REDIC1: variants seen among roughly 807,000 people sequenced by gnomAD.
REDIC1 encodes HEI10 Interacting Protein 1.
At chr12:39,896,326 GTGTATATA>G in the REDIC1 span, among the ~76,000 whole-genome samples, 1 of 140,288 alleles carries the variant, frequency 7.1e-6, no homozygotes, top group Non-Finnish European at 1.5e-5. Context: ...GTATGTATAT[GTGTATATA>G]TGTATACATA....
At chr12:39,718,298 G>T in the REDIC1 span, among the ~76,000 whole-genome samples, 1 of 152,048 alleles carries the variant, frequency 6.6e-6, no homozygotes, top group East Asian at 1.9e-4. Flanking sequence ...TTCAAAACAT[G>T]TAAACTATTT....
At chr12:39,650,896 C>T in the REDIC1 span, among the ~76,000 whole-genome samples, 1 of 152,146 alleles carries the variant, frequency 6.6e-6, no homozygotes, top group African/African-American at 2.4e-5. This position sits in a 1 kb window ranked among gnomAD's most constrained non-coding sequence, Gnocchi z 4.3. Flanking sequence ...ATTTTACAAT[C>T]TCCATGAATT....
At chr12:39,807,789 G>A in the REDIC1 span, among the ~76,000 whole-genome samples, 1 of 152,198 alleles carries the variant, frequency 6.6e-6, no homozygotes, top group African/African-American at 2.4e-5. Flanking sequence ...CCCTAGGTGA[G>A]TCTAGCTATA....
At chr12:39,688,539 C>A in the REDIC1 span, among the ~76,000 whole-genome samples, 1 of 151,932 alleles carries the variant, frequency 6.6e-6, no homozygotes, top group African/African-American at 2.4e-5. Context: ...CTGGACAATA[C>A]AAAAAGGTAG....
the REDIC1 span, among the ~76,000 whole-genome samples, chr12:39,874,291 G>C: frequency 6.6e-6 from 1 of 152,224 alleles, no homozygotes; most frequent in Admixed American, 6.5e-5. Flanking sequence ...ACAGACATAA[G>C]TACTTCACCT....
At chr12:39,722,141 A>T in the REDIC1 span, among the ~76,000 whole-genome samples, 1 of 152,144 alleles carries the variant, frequency 6.6e-6, no homozygotes, top group Non-Finnish European at 1.5e-5. Context: ...CTTTAAAGAA[A>T]ACAATGTTTT....
At chr12:39,792,316 C>T in the REDIC1 span, among the ~76,000 whole-genome samples, 1 of 150,510 alleles carries the variant, frequency 6.6e-6, no homozygotes, top group Admixed American at 6.7e-5. Flanking sequence ...CAGGCGTGGG[C>T]AAGGACTTCA....
the REDIC1 span, among the ~76,000 whole-genome samples, chr12:39,701,011 G>T: frequency 6.6e-6 from 1 of 151,928 alleles, no homozygotes; most frequent in African/African-American, 2.4e-5. Context: ...ATCGAGACTA[G>T]GAAGAAACTG....
At chr12:39,829,835 T>C in the REDIC1 span, 10 of 408,682 alleles carry the variant, frequency 2.4e-5, no homozygotes, top group Non-Finnish European at 4.1e-5. Context: ...TATTTGTGAA[T>C]AGCTGCCTAA....
At chr12:39,745,249 A>G in the REDIC1 span, among the ~76,000 whole-genome samples, 8 of 152,340 alleles carry the variant, frequency 5.3e-5, no homozygotes, top group Admixed American at 5.2e-4. Flanking sequence ...TCCTAAATCC[A>G]TAACCAGTGA....
the REDIC1 span, among the ~76,000 whole-genome samples, chr12:39,771,882 C>CTT: frequency 1.3e-5 from 2 of 152,088 alleles, no homozygotes; most frequent in African/African-American, 4.8e-5. Flanking sequence ...AACTAAATTA[C>CTT]TTATTTTCTG....
At chr12:39,874,931 TA>T in the REDIC1 span, among the ~76,000 whole-genome samples, 1 of 152,310 alleles carries the variant, frequency 6.6e-6, no homozygotes, top group African/African-American at 2.4e-5. Flanking sequence ...TGGAAAACAG[TA>T]AGGGGAGGAG....
chr12:39,663,806 G>A, the REDIC1 span, among the ~76,000 whole-genome samples: 1 of 151,680 alleles, frequency 6.6e-6, no homozygotes. Flanking sequence ...ACTTTGAGGT[G>A]AAAAAGTCAC....
At chr12:39,706,602 CA>C in the REDIC1 span, among the ~76,000 whole-genome samples, 1 of 151,538 alleles carries the variant, frequency 6.6e-6, no homozygotes, top group African/African-American at 2.4e-5. Context: ...GTATAGTAAC[CA>C]AAACAGCATG....
chr12:39,893,424 C>T, the REDIC1 span, among the ~76,000 whole-genome samples: 24 of 152,296 alleles, frequency 1.6e-4, no homozygotes, highest in South Asian at 1.4e-3. Flanking sequence ...CTCAGCCTCC[C>T]GACTGGCTGG....
At chr12:39,711,402 CAT>C in the REDIC1 span, among the ~76,000 whole-genome samples, 10 of 143,460 alleles carry the variant, frequency 7.0e-5, no homozygotes, top group African/African-American at 1.0e-4. Context: ...TACATATACA[CAT>C]AGATGTATAT....
the REDIC1 span, among the ~76,000 whole-genome samples, chr12:39,713,156 T>C: frequency 3.6e-4 from 54 of 150,338 alleles, no homozygotes; most frequent in Admixed American, 3.1e-3. Context: ...TATGTGCATA[T>C]ACACACGTGT....
the REDIC1 span, among the ~76,000 whole-genome samples, chr12:39,814,560 G>T: frequency 6.6e-6 from 1 of 151,936 alleles, no homozygotes; most frequent in African/African-American, 2.4e-5. Context: ...AGAATGCTTT[G>T]GTAGAAAAAA....
chr12:39,867,727 T>C, the REDIC1 span, among the ~76,000 whole-genome samples: 28 of 152,194 alleles, frequency 1.8e-4, 1 homozygote, highest in Non-Finnish European at 2.4e-4. Context: ...AAAGCCAGCA[T>C]TATACTCTTT....
Sources: gnomAD v4.1 joint callset for allele counts (sites outside exome capture counted in the v4.1 genomes callset) on GRCh38, gnomAD v4.1.1 for gene constraint, Gnocchi (gnomAD v3.1) non-coding constraint, MANE v1.5 for transcripts, NCBI Gene and HGNC (gene_info 2026-07-23, HGNC 2026-07-21) for gene names.